TF: variants seen among roughly 807,000 people sequenced by gnomAD.
TF encodes transferrin.
In TF, 55 loss-of-function variants were observed where a neutral mutation model predicts 82.4. That is an observed-to-expected ratio of 0.67 (90% confidence interval 0.54 to 0.84). The LOEUF is 0.84. TF is among the 40% of genes least tolerant of loss of function. The pLI is 0.00. For synonymous variants in TF, 332 were observed against 332.6 expected (o/e 1.00, Z 0.02); for missense variants, 737 against 868.4 (o/e 0.85, Z 1.90).
the TF span, among the ~76,000 whole-genome samples, chr3:133,696,221 A>T: frequency 2.6e-5 from 4 of 152,090 alleles, no homozygotes; most frequent in Non-Finnish European, 4.4e-5. Context: ...GCCTCCAACC[A>T]GGAGTTGGAG....
the TF span, among the ~76,000 whole-genome samples, chr3:133,729,500 A>C: frequency 6.6e-6 from 1 of 152,182 alleles, no homozygotes; most frequent in South Asian, 2.1e-4. Context: ...CTGTTTTTTA[A>C]GCCCGTCGGA....
At chr3:133,756,685 G>T (rs41295764) in intron 6 of TF, 146 bp from the exon 7 acceptor site, 3 of 1,004,060 alleles carry the variant, frequency 3.0e-6, no homozygotes, top group East Asian at 4.9e-5. Flanking sequence ...GCTCTTGAGC[G>T]AGTCATTCTC....
chr3:133,752,547 G>C (rs1933703127), intron 2 of TF, among the ~76,000 whole-genome samples: 1 of 151,984 alleles, frequency 6.6e-6, no homozygotes, highest in African/African-American at 2.4e-5. Flanking sequence ...CTCACTTTAA[G>C]GATTTACATA....
intron 4 of TF, 50 bp downstream of exon 4, chr3:133,754,721 A>T (rs753650488): frequency 1.3e-6 from 2 of 1,585,100 alleles, no homozygotes; most frequent in African/African-American, 1.3e-5. Context: ...TCTGCTCCAG[A>T]TGCCCACACA....
intron 2 of TF, among the ~76,000 whole-genome samples, chr3:133,750,139 C>T (rs1933619184): frequency 6.6e-6 from 1 of 152,160 alleles, no homozygotes; most frequent in Non-Finnish European, 1.5e-5. Context: ...TTAGTAAATT[C>T]TCTTGGAAAG....
the TF span, among the ~76,000 whole-genome samples, chr3:133,731,319 T>C: frequency 6.6e-6 from 1 of 152,158 alleles, no homozygotes; most frequent in Admixed American, 6.5e-5. Context: ...TTAAATAATG[T>C]TGGAAGAAAT....
chr3:133,679,088 G>A, the TF span, among the ~76,000 whole-genome samples: 2 of 152,036 alleles, frequency 1.3e-5, no homozygotes, highest in Admixed American at 6.6e-5. Flanking sequence ...GGTCAGGCTG[G>A]TCTCGATCTC....
chr3:133,688,879 C>G, the TF span, among the ~76,000 whole-genome samples: 3 of 152,074 alleles, frequency 2.0e-5, no homozygotes, highest in South Asian at 6.2e-4. Flanking sequence ...ATTAGTTTGG[C>G]AAAAGATAAA....
At chr3:133,771,540 A>G (rs2107930242) in intron 14 of TF, among the ~76,000 whole-genome samples, 1 of 151,904 alleles carries the variant, frequency 6.6e-6, no homozygotes, top group South Asian at 2.1e-4. Flanking sequence ...GATCGAGACC[A>G]TCCTGGCCAA....
rs779047754 is a variant in TF, at chr3:133,748,456, G to C, written c.88G>C (p.Val30Leu). The change falls in exon 2 of 17, where the codon GTG becomes CTG. Residue 30 changes from valine (V) to leucine (L), a missense_variant. Val to Leu is a conservative substitution (Grantham distance 32). Coordinates refer to ENST00000402696, the MANE Select transcript of TF (RefSeq NM_001063.4). The stretch of plus-strand genomic sequence containing the variant: ...TGATAAAACTGTGAGATGGTGTGCA[G>C]TGTCGGAGCATGAGGCCACTAAGTG... ...VPDKTVRWCA[V>L]SEHEATKCQS... 1.9e-6 allele frequency: 3 copies of C among 1,614,190 alleles called. No individual in the cohort carries two copies. Among genetic ancestry groups the C allele is most frequent in the Non-Finnish European group, 2.5e-6 (3 of 1,180,032 alleles).
the TF span, among the ~76,000 whole-genome samples, chr3:133,732,887 T>C: frequency 6.6e-6 from 1 of 152,188 alleles, no homozygotes; most frequent in Non-Finnish European, 1.5e-5. Flanking sequence ...ACTTGCCTAA[T>C]TCACTGTCCA....
intron 2 of TF, among the ~76,000 whole-genome samples, chr3:133,751,651 AC>A (rs539301498): frequency 1.3e-5 from 2 of 152,318 alleles, no homozygotes; most frequent in South Asian, 4.1e-4. Context: ...TGGCTATAAA[AC>A]AACGTGAATG....
intron 9 of TF, among the ~76,000 whole-genome samples, chr3:133,763,688 C>T (rs1215440897): frequency 6.6e-6 from 1 of 152,214 alleles, no homozygotes; most frequent in African/African-American, 2.4e-5. Flanking sequence ...AGATTTAGAA[C>T]ATTTGAAAAT....
At chr3:133,761,136 C>G (rs1933981564) in intron 9 of TF, 1 of 188,392 alleles carries the variant, frequency 5.3e-6, no homozygotes. Context: ...TAATCATGTT[C>G]ATGAGTAGAC....
chr3:133,684,336 A>G, the TF span, among the ~76,000 whole-genome samples: 16 of 152,332 alleles, frequency 1.1e-4, no homozygotes, highest in African/African-American at 2.9e-4. Flanking sequence ...AGCAGAAGGC[A>G]AGAAATAACT....
At chr3:133,756,683 G>C in intron 6 of TF, 148 bp from the exon 7 acceptor site, 1 of 989,986 alleles carries the variant, frequency 1.0e-6, no homozygotes, top group South Asian at 1.4e-5. Flanking sequence ...GGGCTCTTGA[G>C]CGAGTCATTC....
the TF span, chr3:133,707,383 A>T: frequency 6.6e-6 from 1 of 152,242 alleles, no homozygotes; most frequent in African/African-American, 2.4e-5. Flanking sequence ...CTTCACTGGG[A>T]GGGGCCTCCA....
chr3:133,742,767 G>T (rs1933416760), upstream of TF, among the ~76,000 whole-genome samples: 1 of 152,120 alleles, frequency 6.6e-6, no homozygotes. Context: ...GTGTCAACTG[G>T]GCAACATTTG....
upstream of TF, chr3:133,746,392 C>T: frequency 6.4e-7 from 1 of 1,571,880 alleles, no homozygotes; most frequent in South Asian, 1.2e-5. Context: ...CCGGAGGCTG[C>T]ACAGAAGCGA....
Sources: gnomAD v4.1 joint callset for allele counts (sites outside exome capture counted in the v4.1 genomes callset) on GRCh38, gnomAD v4.1.1 for gene constraint, MANE v1.5 for transcripts, NCBI Gene and HGNC (gene_info 2026-07-23, HGNC 2026-07-21) for gene names.